The following CPED1 variants were observed in gnomAD, a reference collection of about 807,000 sequenced individuals.
CPED1 encodes cadherin-like and PC-esterase domain-containing protein 1.
In CPED1, 114 loss-of-function variants were observed where a neutral mutation model predicts 128.2. The ratio of observed to expected loss-of-function variants is 0.89; its 90% CI spans 0.76 to 1.04. CPED1 has a LOEUF of 1.04. Ranked by LOEUF, CPED1 falls within the 50% of genes least tolerant of loss-of-function variation. The pLI is 0.00. For missense variants in CPED1, 1,211 were observed against 1,207.1 expected (o/e 1.00, Z -0.05); for synonymous variants, 462 against 426.7 (o/e 1.08, Z -1.02).
intron 5 of CPED1, among the ~76,000 whole-genome samples, chr7:121,080,476 TG>T (rs1363799955): frequency 1.3e-5 from 2 of 152,190 alleles, no homozygotes; most frequent in Non-Finnish European, 2.9e-5. Context: ...AGAATTTTTT[TG>T]CAGAAGTGGT....
chr7:121,038,200 TC>T (rs1792952385), intron 3 of CPED1, among the ~76,000 whole-genome samples: 1 of 151,846 alleles, frequency 6.6e-6, no homozygotes, highest in African/African-American at 2.4e-5. Context: ...AAAGTAGGCA[TC>T]TTTTTCCTGT....
intron 22 of CPED1, among the ~76,000 whole-genome samples, chr7:121,278,438 C>T (rs921148726): frequency 8.5e-5 from 13 of 152,108 alleles, no homozygotes; most frequent in African/African-American, 2.2e-4. Context: ...TACTTGAATC[C>T]GTACTTCTTA....
intron 13 of CPED1, among the ~76,000 whole-genome samples, chr7:121,135,376 A>G (rs974698153): frequency 1.3e-5 from 2 of 151,980 alleles, no homozygotes; most frequent in Non-Finnish European, 2.9e-5. Context: ...CTCTCCCCAG[A>G]ATCACCTGGG....
intron 1 of CPED1, 127 bp downstream of exon 1, chr7:120,989,039 C>T (rs1330268600): frequency 6.5e-6 from 1 of 153,896 alleles, no homozygotes; most frequent in South Asian, 2.0e-4. Context: ...ACTTACAGGA[C>T]AGTGGGAATT....
intron 2 of CPED1, among the ~76,000 whole-genome samples, chr7:120,990,403 G>A (rs1796291064): frequency 6.6e-6 from 1 of 151,824 alleles, no homozygotes; most frequent in African/African-American, 2.4e-5. Context: ...AGGATAATAG[G>A]TTTCTTCAAA....
chr7:120,990,031 A>G (rs1217932220), intron 2 of CPED1, among the ~76,000 whole-genome samples, 161 bp downstream of exon 2: 1 of 152,192 alleles, frequency 6.6e-6, no homozygotes, highest in Non-Finnish European at 1.5e-5. Context: ...CACGTTACAT[A>G]AGCTTCAACT....
At chr7:121,103,823 A>G (rs898168054) in intron 7 of CPED1, among the ~76,000 whole-genome samples, 1 of 152,108 alleles carries the variant, frequency 6.6e-6, no homozygotes, top group Admixed American at 6.6e-5. Flanking sequence ...ACATTCTGGC[A>G]GCTAAAGAAG....
At chr7:121,030,033 A>T (rs1408743356) in intron 3 of CPED1, among the ~76,000 whole-genome samples, 1 of 152,172 alleles carries the variant, frequency 6.6e-6, no homozygotes, top group Non-Finnish European at 1.5e-5. Flanking sequence ...TGGAATAGTC[A>T]ATCAAATACT....
intron 15 of CPED1, among the ~76,000 whole-genome samples, chr7:121,141,483 A>G (rs1009692391): frequency 6.6e-6 from 1 of 152,024 alleles, no homozygotes; most frequent in African/African-American, 2.4e-5. Context: ...TGCTGTGTCC[A>G]TAGCAAAGAA....
In CPED1 at chr7:121,098,783, A is replaced by T. The variant is rs1973796; in HGVS notation, c.749+952A>T. Among the ~76,000 whole-genome samples the T allele has an allele frequency of 1.7e-3, 172 of 104,188 alleles. 1 individual carries two copies. The highest frequency in any genetic ancestry group is 6.1e-3 in the African/African-American group (154 of 25,396). The allele number at this position is 104,188 out of a possible 152,430, so 68.4% of individuals were successfully genotyped here. A position where few individuals can be genotyped will look rare whatever the true frequency, so the allele number is the denominator to read the frequency against. On this transcript the variant is annotated intron_variant, in intron 6 of 22. Coordinates refer to ENST00000310396, the MANE Select transcript of CPED1 (RefSeq NM_024913.5). ...ATATATATAAATATATATATATAAA[A>T]ATATATAAAAATATATATAAATATA...
chr7:121,110,913 TAAA>T (rs1795092352), intron 7 of CPED1, among the ~76,000 whole-genome samples: 1 of 152,062 alleles, frequency 6.6e-6, no homozygotes, highest in African/African-American at 2.4e-5. Context: ...TATGGTAGTC[TAAA>T]AAAGGAGAAA....
At chr7:121,152,850 C>G (rs781207761) in intron 16 of CPED1, among the ~76,000 whole-genome samples, 3 of 152,108 alleles carry the variant, frequency 2.0e-5, no homozygotes, top group Non-Finnish European at 4.4e-5. Flanking sequence ...ATCACCTGTG[C>G]TAAATTATAC....
chr7:121,172,383 T>A (rs898449587), intron 16 of CPED1, among the ~76,000 whole-genome samples: 2 of 114,292 alleles, frequency 1.7e-5, no homozygotes, highest in African/African-American at 9.0e-5. Flanking sequence ...AATACTCTTG[T>A]TTTTTTTTTT....
At chr7:121,229,502 G>C (rs377437262) in intron 16 of CPED1, among the ~76,000 whole-genome samples, 2 of 113,004 alleles carry the variant, frequency 1.8e-5, no homozygotes, top group Non-Finnish European at 4.2e-5. Context: ...ATTGATTTTC[G>C]TAGTAGAAAT....
intron 18 of CPED1, among the ~76,000 whole-genome samples, chr7:121,260,596 G>T (rs1383951659): frequency 1.3e-5 from 2 of 151,774 alleles, no homozygotes; most frequent in African/African-American, 4.8e-5. Context: ...GTTATGCTTG[G>T]CTCTGGACCT....
At chr7:121,157,570 TAGG>T (rs1796316492) in intron 16 of CPED1, among the ~76,000 whole-genome samples, 2 of 152,120 alleles carry the variant, frequency 1.3e-5, no homozygotes, top group Admixed American at 6.5e-5. Context: ...ACTTTGGAGT[TAGG>T]AGGATCTTTG....
intron 6 of CPED1, among the ~76,000 whole-genome samples, chr7:121,099,667 C>T (rs780676055): frequency 1.1e-4 from 17 of 152,108 alleles, no homozygotes; most frequent in Non-Finnish European, 2.1e-4. Context: ...CGCTCAGCCA[C>T]CTTTTTTACT....
chr7:121,219,664 G>A (rs1191497428), intron 16 of CPED1, among the ~76,000 whole-genome samples: 2 of 152,010 alleles, frequency 1.3e-5, no homozygotes, highest in Non-Finnish European at 2.9e-5. Flanking sequence ...ACACACAACT[G>A]TGTCACATTC....
chr7:121,071,689 A>G (rs139083794), intron 5 of CPED1, among the ~76,000 whole-genome samples: 12 of 152,086 alleles, frequency 7.9e-5, no homozygotes, highest in African/African-American at 2.9e-4. Flanking sequence ...CTCATCCAAC[A>G]TATTTGACAA....
Sources: gnomAD v4.1 joint callset for allele counts (sites outside exome capture counted in the v4.1 genomes callset) on GRCh38, gnomAD v4.1.1 for gene constraint, MANE v1.5 for transcripts, NCBI Gene and HGNC (gene_info 2026-07-23, HGNC 2026-07-21) for gene names.